Variants in RBFOX2 observed in about 807,000 individuals in gnomAD.
RBFOX2 encodes RNA binding fox-1 homolog 2.
In RBFOX2, 10 loss-of-function variants were observed where a neutral mutation model predicts 49.1. The observed-to-expected ratio is 0.20, with a 90% CI of 0.13 to 0.35. The LOEUF (loss-of-function observed/expected upper bound fraction) is 0.35, where lower values mean the gene tolerates loss of function less well. Ranked by LOEUF, RBFOX2 falls within the 10% of genes least tolerant of loss-of-function variation. The probability of loss-of-function intolerance (pLI) is 1.00; values close to 1 mark genes in which losing one functional copy is unlikely to be tolerated. For missense variants in RBFOX2, 323 were observed against 486.9 expected (o/e 0.66, Z 3.17); for synonymous variants, 183 against 187.4 (o/e 0.98, Z 0.19).
chr22:35,870,286 A>T (rs1426209358), intron 1 of RBFOX2, among the ~76,000 whole-genome samples: 1 of 152,142 alleles, frequency 6.6e-6, no homozygotes, highest in Non-Finnish European at 1.5e-5. Context: ...AGGCAGGCAG[A>T]TCATGAGGTC....
intron 1 of RBFOX2, among the ~76,000 whole-genome samples, chr22:35,976,745 C>T (rs1321476199): frequency 1.3e-5 from 2 of 152,042 alleles, no homozygotes; most frequent in Non-Finnish European, 2.9e-5. Flanking sequence ...GGTGGAACAC[C>T]TGAGGTCAGG....
chr22:35,885,925 G>C (rs2046515261), intron 1 of RBFOX2, among the ~76,000 whole-genome samples: 1 of 134,380 alleles, frequency 7.4e-6, no homozygotes, highest in Admixed American at 8.6e-5. Context: ...GGCACGATCT[G>C]GGCTCACTGC....
upstream of RBFOX2, among the ~76,000 whole-genome samples, chr22:35,964,320 C>G (rs956108494): frequency 6.6e-6 from 1 of 152,234 alleles, no homozygotes; most frequent in East Asian, 1.9e-4. Flanking sequence ...CAAAGTCATA[C>G]TTTTTATGTA....
chr22:35,952,034 T>C (rs1390621704), intron 1 of RBFOX2, among the ~76,000 whole-genome samples: 1 of 152,212 alleles, frequency 6.6e-6, no homozygotes, highest in African/African-American at 2.4e-5. Flanking sequence ...CCTGCTTTCC[T>C]TTCGGGAGTC....
intron 9 of RBFOX2, among the ~76,000 whole-genome samples, chr22:35,754,260 T>G (rs1244645889): frequency 1.3e-5 from 2 of 151,394 alleles, no homozygotes; most frequent in Middle Eastern, 3.2e-3. Context: ...CCTGGCTAAT[T>G]TTTTGTATTT....
At chr22:35,973,289 T>C (rs1165259694) in intron 1 of RBFOX2, among the ~76,000 whole-genome samples, 1 of 152,254 alleles carries the variant, frequency 6.6e-6, no homozygotes, top group African/African-American at 2.4e-5. Flanking sequence ...CTGAAGATTA[T>C]ATTTCACAAT....
intron 1 of RBFOX2, among the ~76,000 whole-genome samples, chr22:35,819,056 T>G (rs921868930): frequency 6.6e-6 from 1 of 152,210 alleles, no homozygotes; most frequent in African/African-American, 2.4e-5. Context: ...CTTTAATCAT[T>G]TAACAAGTAA....
intron 6 of RBFOX2, 143 bp downstream of exon 7, chr22:35,765,280 T>C (rs1940564697): frequency 9.9e-6 from 6 of 609,122 alleles, no homozygotes; most frequent in Admixed American, 7.5e-5. Flanking sequence ...TCTGTAAAAA[T>C]AAAATACTCT....
At chr22:35,800,484 A>G (rs1949570746) in intron 2 of RBFOX2, among the ~76,000 whole-genome samples, 1 of 152,190 alleles carries the variant, frequency 6.6e-6, no homozygotes. Flanking sequence ...TAAAGCTTCA[A>G]TCAAGTAGAA....
At chr22:35,950,730 G>C (rs956449360) in intron 1 of RBFOX2, among the ~76,000 whole-genome samples, 7 of 152,082 alleles carry the variant, frequency 4.6e-5, no homozygotes, top group East Asian at 3.9e-4. Flanking sequence ...CTCTCGGCCA[G>C]GAAGTGTTTG....
intron 1 of RBFOX2, among the ~76,000 whole-genome samples, chr22:35,977,747 T>G (rs573691678): frequency 5.0e-5 from 7 of 138,790 alleles, no homozygotes; most frequent in African/African-American, 1.3e-4. Context: ...TATATATATA[T>G]ATATATATAT....
chr22:35,879,584 A>T (rs904312277), intron 1 of RBFOX2, among the ~76,000 whole-genome samples: 1 of 152,238 alleles, frequency 6.6e-6, no homozygotes, highest in African/African-American at 2.4e-5. Flanking sequence ...CAAAAGGCCT[A>T]AGTAGCTGTG....
intron 9 of RBFOX2, among the ~76,000 whole-genome samples, chr22:35,753,897 C>T (rs1266226556): frequency 6.7e-6 from 1 of 148,642 alleles, no homozygotes; most frequent in Non-Finnish European, 1.5e-5. Context: ...ATTCTCCTGC[C>T]TTGGCCTCCC....
In RBFOX2 at chr22:35,752,709, CA is replaced by C. The variant is rs1405690849; in HGVS notation, c.888-6149del. ...AAAAAACACAGCTGTGGAAGGAAAA[CA>C]ATCATACAAAAAGCCCACTAAGGGG... On this transcript the variant is annotated intron_variant, in intron 9 of 11. Transcript: ENST00000405409. 6 of 922,522 alleles carry C rather than the reference CA, an allele frequency of 6.5e-6. No homozygotes were observed. In the African/African-American group the frequency reaches 1.1e-4, roughly 17 times the overall value. 57.1% of individuals were successfully genotyped at this position (922,522 alleles called of 1,614,324 possible). A position where few individuals can be genotyped will look rare whatever the true frequency, so the allele number is the denominator to read the frequency against.
chr22:35,960,905 G>A (rs925380157), intron 1 of RBFOX2, among the ~76,000 whole-genome samples: 1 of 151,944 alleles, frequency 6.6e-6, no homozygotes, highest in African/African-American at 2.4e-5. Flanking sequence ...ACCAACCAAG[G>A]TGACTATTTT....
intron 1 of RBFOX2, among the ~76,000 whole-genome samples, chr22:35,977,449 C>T (rs988592813): frequency 1.1e-4 from 16 of 151,970 alleles, no homozygotes; most frequent in Admixed American, 4.6e-4. Flanking sequence ...AGAAGCCATA[C>T]TCAAAAAGCT....
At chr22:36,015,298 C>G (rs904569744) in intron 1 of RBFOX2, among the ~76,000 whole-genome samples, 9 of 152,222 alleles carry the variant, frequency 5.9e-5, no homozygotes, top group African/African-American at 2.2e-4. Context: ...ATGAAACGGA[C>G]TGCTTAAGCA....
At chr22:35,954,579 C>T (rs917364739) in intron 1 of RBFOX2, among the ~76,000 whole-genome samples, 5 of 152,204 alleles carry the variant, frequency 3.3e-5, no homozygotes, top group Admixed American at 2.6e-4. Context: ...TAAAACACCA[C>T]TCATACCACT....
intron 1 of RBFOX2, among the ~76,000 whole-genome samples, chr22:35,977,722 CTATATA>C (rs375088964): frequency 0.18 from 14,286 of 80,442 alleles, 1,491 homozygotes; most frequent in East Asian, 0.38. Context: ...CCTGAATGAA[CTATATA>C]TATATATATA....
Sources: allele counts gnomAD v4.1 joint callset (sites outside exome capture counted in the v4.1 genomes callset), GRCh38; gene constraint gnomAD v4.1.1; transcripts MANE v1.5; gene names NCBI Gene and HGNC (gene_info 2026-07-23, HGNC 2026-07-21).